Variants in PLEKHA5 observed in about 807,000 individuals in gnomAD.
The protein encoded by PLEKHA5 is pleckstrin homology domain-containing family A member 5.
PLEKHA5 carries 55 observed loss-of-function variants against 181.9 expected under a neutral mutation model. That is an observed-to-expected ratio of 0.30 (90% CI 0.24 to 0.38). PLEKHA5 has a LOEUF of 0.38. Among genes scored for constraint, PLEKHA5 ranks in the 10% least tolerant of loss-of-function variants. The probability of loss-of-function intolerance (pLI) is 1.00; values close to 1 mark genes in which losing one functional copy is unlikely to be tolerated. For synonymous variants in PLEKHA5, 535 were observed against 529.4 expected, an observed-to-expected ratio of 1.01 and a Z score of -0.15; for missense variants, 1,432 against 1,549.5, an observed-to-expected ratio of 0.92 and a Z score of 1.27.
At chr12:19,134,854 C>G (rs2035131485) in intron 3 of PLEKHA5, among the ~76,000 whole-genome samples, 1 of 152,102 alleles carries the variant, frequency 6.6e-6, no homozygotes, top group Non-Finnish European at 1.5e-5. Flanking sequence ...TTAGAATATT[C>G]AGAGTGGAGG....
At chr12:19,282,214 T>C (rs1045818801) in intron 11 of PLEKHA5, among the ~76,000 whole-genome samples, 2 of 152,246 alleles carry the variant, frequency 1.3e-5, no homozygotes, top group African/African-American at 4.8e-5. Context: ...AATTATACTT[T>C]GCATGCATAA....
intron 3 of PLEKHA5, among the ~76,000 whole-genome samples, chr12:19,228,859 AT>A: frequency 6.6e-6 from 1 of 152,362 alleles, no homozygotes; most frequent in East Asian, 1.9e-4. Flanking sequence ...TGCTAAACAA[AT>A]GAAAAATCTA....
intron 3 of PLEKHA5, among the ~76,000 whole-genome samples, chr12:19,251,548 A>G (rs1034684420): frequency 6.6e-6 from 1 of 152,046 alleles, no homozygotes. Context: ...GTATTCCTAC[A>G]TGGCTGGGTT....
At position 19,365,952 on chromosome 12, in the gene PLEKHA5, T is replaced by G; in HGVS notation, c.3609-12T>G. ...AGTGACAAATTTTTAAATACCAATCTATTTTCATCAGCCCTCAAGATGAAA... is the reference window on the plus strand; with the variant it reads ...AGTGACAAATTTTTAAATACCAATCGATTTTCATCAGCCCTCAAGATGAAA... On this transcript the variant is annotated splice_polypyrimidine_tract_variant and intron_variant, in intron 29 of 31. Transcript: ENST00000429027. 1 of 1,572,556 alleles carries G rather than the reference T, an allele frequency of 6.4e-7. No individual in the cohort carries two copies. The highest frequency in any genetic ancestry group is 8.6e-7 in the Non-Finnish European group (1 of 1,166,532).
intron 6 of PLEKHA5, among the ~76,000 whole-genome samples, chr12:19,258,658 G>A (rs868236106): frequency 2.1e-5 from 3 of 144,542 alleles, no homozygotes; most frequent in South Asian, 2.2e-4. Flanking sequence ...TCTGCCTCCC[G>A]GGCTCAAGCA....
At chr12:19,305,378 T>A (rs2082945496) in intron 15 of PLEKHA5, among the ~76,000 whole-genome samples, 1 of 151,024 alleles carries the variant, frequency 6.6e-6, no homozygotes, top group Admixed American at 6.6e-5. Flanking sequence ...CTGACCAACA[T>A]GGTAAAACTC....
intron 15 of PLEKHA5, among the ~76,000 whole-genome samples, chr12:19,295,410 G>T (rs886345164): frequency 6.6e-6 from 1 of 152,158 alleles, no homozygotes; most frequent in African/African-American, 2.4e-5. Flanking sequence ...TGCCCTTGCT[G>T]TGTACTTGCC....
intron 24 of PLEKHA5, among the ~76,000 whole-genome samples, chr12:19,347,683 T>A (rs1466713403): frequency 1.3e-5 from 2 of 151,988 alleles, no homozygotes; most frequent in Admixed American, 1.3e-4. Flanking sequence ...TAGGATATAA[T>A]AAGCAAAGAG....
chr12:19,337,921 C>G (rs2093582445), intron 21 of PLEKHA5, among the ~76,000 whole-genome samples: 1 of 151,822 alleles, frequency 6.6e-6, no homozygotes, highest in Middle Eastern at 3.2e-3. Flanking sequence ...ATCCCAGCTA[C>G]TCCAGAGGCT....
chr12:19,214,289 G>A (rs955422083), intron 3 of PLEKHA5, among the ~76,000 whole-genome samples: 5 of 152,130 alleles, frequency 3.3e-5, no homozygotes, highest in African/African-American at 4.8e-5. Context: ...TTTGAGATGC[G>A]GACCAAGAAG....
At chr12:19,305,389 C>T (rs977087458) in intron 15 of PLEKHA5, among the ~76,000 whole-genome samples, 5 of 151,936 alleles carry the variant, frequency 3.3e-5, no homozygotes, top group Admixed American at 1.3e-4. Flanking sequence ...GGTAAAACTC[C>T]GTCTCTACTA....
At chr12:19,345,640 C>T (rs1009472680) in intron 22 of PLEKHA5, among the ~76,000 whole-genome samples, 1 of 151,648 alleles carries the variant, frequency 6.6e-6, no homozygotes, top group Non-Finnish European at 1.5e-5. Flanking sequence ...TGGCGCACGC[C>T]TGTAGTCCCA....
chr12:19,299,711 A>G (rs1277515667), intron 15 of PLEKHA5, among the ~76,000 whole-genome samples: 3 of 152,166 alleles, frequency 2.0e-5, no homozygotes, highest in Non-Finnish European at 2.9e-5. Context: ...AAACTTCTGA[A>G]CACAGTAAGA....
At chr12:19,171,364 C>T (rs996491017) in intron 3 of PLEKHA5, among the ~76,000 whole-genome samples, 2 of 152,284 alleles carry the variant, frequency 1.3e-5, no homozygotes, top group African/African-American at 2.4e-5. Flanking sequence ...TGAAGAGACA[C>T]TCATACCCTG....
intron 12 of PLEKHA5, among the ~76,000 whole-genome samples, chr12:19,286,971 C>CA (rs937923424): frequency 2.1e-5 from 3 of 146,054 alleles, no homozygotes; most frequent in African/African-American, 5.0e-5. Flanking sequence ...CTTCAAAAAA[C>CA]AAAAAAAAAA....
chr12:19,273,523 T>C lies in PLEKHA5; in HGVS notation c.846-993T>C, dbSNP rs574407622. Reference sequence around the variant, plus strand: ...TTTCTGATAGAAGCATTTTTATTTATTGGAATATGGAGGGTTGGCTGGCTC... The same window carrying C: ...TTTCTGATAGAAGCATTTTTATTTACTGGAATATGGAGGGTTGGCTGGCTC... On this transcript the variant is annotated intron_variant, in intron 10 of 31. Transcript: ENST00000429027. Among the ~76,000 whole-genome samples the C allele has an allele frequency of 3.4e-4, 52 of 152,232 alleles. No individual in the cohort carries two copies. In the South Asian group the frequency reaches 1.0e-2, roughly 29 times the overall value.
intron 3 of PLEKHA5, among the ~76,000 whole-genome samples, chr12:19,214,608 G>A (rs2057590465): frequency 2.0e-5 from 3 of 152,072 alleles, no homozygotes. Context: ...CAGATCCAGC[G>A]ACATATGATG....
At chr12:19,163,621 T>C (rs2043515191) in intron 3 of PLEKHA5, among the ~76,000 whole-genome samples, 1 of 152,182 alleles carries the variant, frequency 6.6e-6, no homozygotes, top group Non-Finnish European at 1.5e-5. Context: ...GAAAACTATG[T>C]TTAACTTCTT....
At chr12:19,198,882 A>T (rs1026573748) in intron 3 of PLEKHA5, among the ~76,000 whole-genome samples, 5 of 152,050 alleles carry the variant, frequency 3.3e-5, no homozygotes, top group African/African-American at 1.2e-4. Flanking sequence ...TTTTTTAAAA[A>T]TTTTTCTATA....
Sources: gnomAD v4.1 joint callset for allele counts (sites outside exome capture counted in the v4.1 genomes callset) on GRCh38, gnomAD v4.1.1 for gene constraint, MANE v1.5 for transcripts, NCBI Gene and HGNC (gene_info 2026-07-23, HGNC 2026-07-21) for gene names.